SPRY3: variants seen among roughly 807,000 people sequenced by gnomAD.
SPRY3 encodes protein sprouty homolog 3.
SPRY3 carries 15 observed loss-of-function variants against 20.2 expected under a neutral mutation model. The ratio of observed to expected loss-of-function variants is 0.74; its 90% CI spans 0.50 to 1.14. SPRY3 has a LOEUF of 1.14. SPRY3 is among the 50% of genes most tolerant of loss of function. SPRY3 has a pLI of 0.00. For missense variants in SPRY3, 364 were observed against 363.9 expected (o/e 1.00, Z 0.00); for synonymous variants, 143 against 136.5 (o/e 1.05, Z -0.33).
At chrX:155,635,812 T>C (rs782211391) in intron 1 of SPRY3, among the ~76,000 whole-genome samples, 1 of 111,916 alleles carries the variant, frequency 8.9e-6, no homozygotes, top group Non-Finnish European at 1.9e-5. Context: ...TGGCGATTCC[T>C]CAGGGATCTA....
chrX:155,706,785 T>A (rs1184121459), intron 2 of SPRY3, among the ~76,000 whole-genome samples: 1 of 150,848 alleles, frequency 6.6e-6, no homozygotes, highest in African/African-American at 2.4e-5. Flanking sequence ...CAAAAACTCA[T>A]CCAAGAAGAA....
chrX:155,762,010 C>T (rs907535027), intron 2 of SPRY3, among the ~76,000 whole-genome samples: 1 of 152,124 alleles, frequency 6.6e-6, no homozygotes, highest in Non-Finnish European at 1.5e-5. Context: ...TGTCTTGTCA[C>T]TTAAATTCTA....
At chrX:155,641,732 G>A (rs939294732) in intron 1 of SPRY3, among the ~76,000 whole-genome samples, 30 of 115,100 alleles carry the variant, frequency 2.6e-4, no homozygotes, top group African/African-American at 9.4e-4. Flanking sequence ...CATGGCAAAG[G>A]AGACAGGATC....
At chrX:155,731,637 C>A (rs2091133219) in intron 2 of SPRY3, among the ~76,000 whole-genome samples, 1 of 151,932 alleles carries the variant, frequency 6.6e-6, no homozygotes, top group Non-Finnish European at 1.5e-5. Flanking sequence ...CACAGGAAAC[C>A]AAAGCAAAAG....
intron 2 of SPRY3, among the ~76,000 whole-genome samples, chrX:155,724,678 G>C (rs1379183997): frequency 6.6e-6 from 1 of 152,176 alleles, no homozygotes; most frequent in Non-Finnish European, 1.5e-5. Flanking sequence ...TGTATCCTGA[G>C]ACTTTGCCGA....
intron 2 of SPRY3, among the ~76,000 whole-genome samples, chrX:155,706,453 C>A (rs773028623): frequency 2.5e-3 from 383 of 150,450 alleles, no homozygotes; most frequent in African/African-American, 9.0e-3. Context: ...CTAAGAAGTT[C>A]AAAATAAACC....
chrX:155,777,465 T>C (rs1303323595), downstream of SPRY3: 4 of 166,354 alleles, frequency 2.4e-5, no homozygotes, highest in African/African-American at 9.7e-5. Context: ...TAGAAGAAAT[T>C]GAAGGGTTAC....
intron 2 of SPRY3, among the ~76,000 whole-genome samples, chrX:155,711,432 T>C (rs918219545): frequency 2.6e-5 from 4 of 151,852 alleles, no homozygotes; most frequent in Admixed American, 2.0e-4. Context: ...TTTTCCAATT[T>C]ATTGGCATAT....
intron 2 of SPRY3, among the ~76,000 whole-genome samples, chrX:155,699,372 C>T (rs1453818468): frequency 3.6e-5 from 4 of 111,908 alleles, no homozygotes; most frequent in African/African-American, 1.3e-4. Context: ...GTGGTGAAGC[C>T]TGAGAGTAAT....
chrX:155,741,488 A>G (rs1602980790), intron 2 of SPRY3, among the ~76,000 whole-genome samples: 1 of 152,186 alleles, frequency 6.6e-6, no homozygotes, highest in South Asian at 2.1e-4. Context: ...ATTCAAATTC[A>G]GGAAATCCAG....
intron 2 of SPRY3, among the ~76,000 whole-genome samples, chrX:155,725,566 G>C (rs937005621): frequency 2.6e-5 from 4 of 152,134 alleles, no homozygotes; most frequent in African/African-American, 9.7e-5. Context: ...ATGTGTCAAG[G>C]AATTTATCTA....
chrX:155,725,372 G>A, intron 2 of SPRY3, among the ~76,000 whole-genome samples: 1 of 152,190 alleles, frequency 6.6e-6, no homozygotes, highest in East Asian at 1.9e-4. Flanking sequence ...TCTATTAATT[G>A]GAATAGTTTC....
chrX:155,683,350 C>G (rs1486130330), intron 2 of SPRY3, among the ~76,000 whole-genome samples: 1 of 111,839 alleles, frequency 8.9e-6, no homozygotes, highest in South Asian at 3.8e-4. Flanking sequence ...CACAGCCACT[C>G]CAACCTTCAG....
rs756441794 is a variant in SPRY3 at position 155,766,767 on chromosome X, A to G, written c.-281-1195A>G. On this transcript the variant is annotated intron_variant, in intron 2 of 3. Transcript: ENST00000675360. ...TTATTTTCAGTCCCAGGGAGGCTGC[A>G]TGAAGGCAGGAATCCACAACACCTA... 1.4e-4 allele frequency among the ~76,000 whole-genome samples: 21 copies of G among 152,322 alleles called. No homozygotes were observed. In the South Asian group the frequency reaches 4.4e-3, roughly 32 times the overall value.
At chrX:155,687,000 CA>C (rs1212989330) in intron 2 of SPRY3, among the ~76,000 whole-genome samples, 1 of 112,564 alleles carries the variant, frequency 8.9e-6, no homozygotes, top group Non-Finnish European at 1.9e-5. Context: ...GCTGCCAGAA[CA>C]AAAAAACATG....
chrX:155,674,761 A>G (rs931058312), intron 2 of SPRY3, among the ~76,000 whole-genome samples: 5 of 110,104 alleles, frequency 4.5e-5, no homozygotes, highest in Non-Finnish European at 9.5e-5. Context: ...TATCTTGTGT[A>G]TTTGAAAGAT....
At chrX:155,686,668 C>T (rs1293241164) in intron 2 of SPRY3, among the ~76,000 whole-genome samples, 1 of 111,631 alleles carries the variant, frequency 9.0e-6, no homozygotes, top group Non-Finnish European at 1.9e-5. Flanking sequence ...TTTCAGTCTT[C>T]CAGCCCAAAA....
chrX:155,768,775 G>A (rs1351192693), intron 3 of SPRY3, among the ~76,000 whole-genome samples: 2 of 152,226 alleles, frequency 1.3e-5, no homozygotes, highest in African/African-American at 4.8e-5. Flanking sequence ...CTGTGAGCAC[G>A]TCTAGTTAGC....
intron 2 of SPRY3, among the ~76,000 whole-genome samples, chrX:155,761,556 G>T (rs917804579): frequency 2.4e-4 from 36 of 151,984 alleles, no homozygotes; most frequent in African/African-American, 8.4e-4. Context: ...ATTTTCCTTT[G>T]GTTATATACC....
Sources: allele counts gnomAD v4.1 joint callset (sites outside exome capture counted in the v4.1 genomes callset), GRCh38; gene constraint gnomAD v4.1.1; transcripts MANE v1.5; gene names NCBI Gene and HGNC (gene_info 2026-07-23, HGNC 2026-07-21).